GPC6: variants seen among roughly 807,000 people sequenced by gnomAD.
The protein encoded by GPC6 is glypican-6.
GPC6 carries 14 observed loss-of-function variants against 55.2 expected under a neutral mutation model. That is an observed-to-expected ratio of 0.25 (90% CI 0.17 to 0.40). The LOEUF is 0.40. Ranked by LOEUF, GPC6 falls within the 10% of genes least tolerant of loss-of-function variation. The pLI is 1.00. For synonymous variants in GPC6, 278 were observed against 259.6 expected, an observed-to-expected ratio of 1.07 and a Z score of -0.68; for missense variants, 641 against 708.5, an observed-to-expected ratio of 0.90 and a Z score of 1.08.
chr13:93,581,888 T>C (rs9516256), intron 2 of GPC6, among the ~76,000 whole-genome samples: 106,031 of 152,012 alleles, frequency 0.7, 38,672 homozygotes, highest in Non-Finnish European at 0.81. Flanking sequence ...GGCATATCAA[T>C]TCTAGAAGAG....
upstream of GPC6, among the ~76,000 whole-genome samples, chr13:93,223,019 C>CTT (rs3073915): frequency 0.047 from 4,754 of 100,658 alleles, 288 homozygotes; most frequent in Admixed American, 0.062. Context: ...AGGGAAAACA[C>CTT]TTTTTTTTTT....
intron 2 of GPC6, among the ~76,000 whole-genome samples, chr13:93,644,449 A>G (rs1880086855): frequency 6.6e-6 from 1 of 152,050 alleles, no homozygotes. Flanking sequence ...CCCAACATCC[A>G]ACAATAGGGT....
chr13:94,247,487 G>A (rs1473470382), intron 4 of GPC6, among the ~76,000 whole-genome samples: 1 of 152,028 alleles, frequency 6.6e-6, no homozygotes, highest in Non-Finnish European at 1.5e-5. Context: ...CGTAGATTTT[G>A]CATAAATGGG....
chr13:94,388,673 A>T (rs1464832435), intron 7 of GPC6, among the ~76,000 whole-genome samples: 1 of 152,226 alleles, frequency 6.6e-6, no homozygotes, highest in Non-Finnish European at 1.5e-5. Flanking sequence ...GGGAAGTCCA[A>T]GATCAGGGTG....
At chr13:93,831,132 CT>C (rs1887476364) in intron 3 of GPC6, among the ~76,000 whole-genome samples, 1 of 152,182 alleles carries the variant, frequency 6.6e-6, no homozygotes, top group African/African-American at 2.4e-5. Context: ...TAGAGAATTT[CT>C]TTTGTTACCC....
chr13:94,042,118 G>A (rs1296786489), intron 4 of GPC6, among the ~76,000 whole-genome samples: 1 of 151,710 alleles, frequency 6.6e-6, no homozygotes, highest in Non-Finnish European at 1.5e-5. Flanking sequence ...GAGTGAGTGA[G>A]TTATCCTGAG....
At chr13:93,399,171 G>C (rs963383736) in intron 1 of GPC6, among the ~76,000 whole-genome samples, 1 of 152,134 alleles carries the variant, frequency 6.6e-6, no homozygotes, top group Admixed American at 6.5e-5. Context: ...TACCCAAGGG[G>C]AGTGTCCTTG....
At chr13:94,391,763 A>G (rs1175148157) in intron 7 of GPC6, among the ~76,000 whole-genome samples, 1 of 152,106 alleles carries the variant, frequency 6.6e-6, no homozygotes, top group East Asian at 1.9e-4. Flanking sequence ...TTATCTTCCT[A>G]AACTGAAACT....
At chr13:93,876,521 C>CT (rs1340659539) in intron 3 of GPC6, among the ~76,000 whole-genome samples, 1 of 152,052 alleles carries the variant, frequency 6.6e-6, no homozygotes, top group African/African-American at 2.4e-5. Context: ...GCACGGAATA[C>CT]TTTTTGTTGC....
intron 3 of GPC6, among the ~76,000 whole-genome samples, chr13:93,852,058 A>C (rs1254853969): frequency 1.3e-5 from 2 of 151,816 alleles, no homozygotes; most frequent in Non-Finnish European, 2.9e-5. Flanking sequence ...AGTAGTTGAC[A>C]ACAAAAACCT....
chr13:94,281,181 G>T (rs2139077626), intron 4 of GPC6, among the ~76,000 whole-genome samples: 1 of 152,168 alleles, frequency 6.6e-6, no homozygotes, highest in Non-Finnish European at 1.5e-5. Context: ...ATATCTTTTT[G>T]TAAATTTTTT....
At position 94,407,307 on chromosome 13, in the gene GPC6, T is replaced by C. The variant is rs1355212854; in HGVS notation, c.*4090T>C. ...AATCAAATCTAAAATTTTATGTGACTGTCAAATGAATATTATTTGGGTTAA... is the reference window on the plus strand; with the variant it reads ...AATCAAATCTAAAATTTTATGTGACCGTCAAATGAATATTATTTGGGTTAA... On this transcript the variant is annotated 3_prime_UTR_variant, in exon 9 of 9. Coordinates refer to ENST00000377047, the MANE Select transcript of GPC6 (RefSeq NM_005708.5). 1 of 152,124 alleles carries C rather than the reference T, an allele frequency of 6.6e-6. No homozygotes were observed. The highest frequency in any genetic ancestry group is 2.4e-5 in the African/African-American group (1 of 41,440). The allele number at this position is 152,124 out of a possible 1,614,324, so 9.4% of individuals were successfully genotyped here. A position where few individuals can be genotyped will look rare whatever the true frequency, so the allele number is the denominator to read the frequency against.
intron 1 of GPC6, among the ~76,000 whole-genome samples, chr13:93,469,796 TTTG>T (rs1879043425): frequency 1.3e-5 from 2 of 152,200 alleles, no homozygotes; most frequent in African/African-American, 4.8e-5. Flanking sequence ...CTAGGTTTTT[TTTG>T]TTGTTGGTGG....
intron 1 of GPC6, among the ~76,000 whole-genome samples, chr13:93,320,331 A>G (rs1416950070): frequency 6.6e-6 from 1 of 152,052 alleles, no homozygotes; most frequent in Non-Finnish European, 1.5e-5. Context: ...TCTTTTAACT[A>G]CATTTTAAAG....
chr13:93,406,729 G>A (rs1447988462), intron 1 of GPC6, among the ~76,000 whole-genome samples: 1 of 152,102 alleles, frequency 6.6e-6, no homozygotes, highest in Non-Finnish European at 1.5e-5. Context: ...TTGTCTTGAT[G>A]TGTCTCTTGA....
chr13:93,905,183 G>C, intron 3 of GPC6, among the ~76,000 whole-genome samples: 1 of 149,454 alleles, frequency 6.7e-6, no homozygotes, highest in South Asian at 2.1e-4. Flanking sequence ...TATTTATTTA[G>C]AAACTGCATT....
chr13:93,434,229 T>C (rs891135162), intron 1 of GPC6, among the ~76,000 whole-genome samples: 3 of 152,120 alleles, frequency 2.0e-5, no homozygotes, highest in Non-Finnish European at 2.9e-5. Context: ...AACAGATCAA[T>C]AGAAATGCCA....
chr13:93,607,194 G>T (rs1011216871), intron 2 of GPC6, among the ~76,000 whole-genome samples: 1 of 152,056 alleles, frequency 6.6e-6, no homozygotes. Flanking sequence ...GTCTTATTCG[G>T]ATATGACATC....
intron 4 of GPC6, among the ~76,000 whole-genome samples, chr13:94,067,835 ATCC>A (rs1884585243): frequency 6.6e-6 from 1 of 152,164 alleles, no homozygotes; most frequent in Non-Finnish European, 1.5e-5. Context: ...AACTCATACA[ATCC>A]TCTGGTTTTC....
Sources: gnomAD v4.1 joint callset for allele counts (sites outside exome capture counted in the v4.1 genomes callset) on GRCh38, gnomAD v4.1.1 for gene constraint, MANE v1.5 for transcripts, NCBI Gene and HGNC (gene_info 2026-07-23, HGNC 2026-07-21) for gene names.